TTC39B: variants seen among roughly 807,000 people sequenced by gnomAD.
TTC39B encodes tetratricopeptide repeat protein 39B.
In TTC39B, 92 loss-of-function variants were observed where a neutral mutation model predicts 96.6. That is an observed-to-expected ratio of 0.95 (90% CI 0.80 to 1.13). The LOEUF (loss-of-function observed/expected upper bound fraction) is 1.13. TTC39B is among the 50% of genes most tolerant of loss of function. The probability of loss-of-function intolerance (pLI) is 0.00; values close to 1 mark genes in which losing one functional copy is unlikely to be tolerated. For missense variants in TTC39B, 955 were observed against 809.3 expected (o/e 1.18, Z -2.18); for synonymous variants, 367 against 299.4 (o/e 1.23, Z -2.33).
At chr9:15,187,072 T>G in intron 14 of TTC39B, 37 bp from the exon 15 acceptor site, 1 of 1,480,712 alleles carries the variant, frequency 6.8e-7, no homozygotes, top group Non-Finnish European at 9.2e-7. Flanking sequence ...AGAACATCCC[T>G]AGGTAAATGA....
At chr9:15,303,660 T>C (rs1824670905) in intron 1 of TTC39B, among the ~76,000 whole-genome samples, 1 of 152,066 alleles carries the variant, frequency 6.6e-6, no homozygotes, top group African/African-American at 2.4e-5. Flanking sequence ...GAGATGGAGT[T>C]TTACTCTTGT....
In TTC39B at chr9:15,214,161, C is replaced by T. The variant is rs372085656; in HGVS notation, c.460G>A (p.Ala154Thr). Residue 154 changes from alanine to threonine, a missense_variant, in exon 4 of 20, where the codon GCC becomes ACC. By Grantham distance (58) the Ala-to-Thr change is moderately conservative (BLOSUM62 0). Coordinates refer to ENST00000512701, the Ensembl canonical transcript of TTC39B. ...TACCAGGGGCGAAGCAATTCTAAGGCGTCTGTAAATTTGTTGCTTAGAAAT... is the reference window on the plus strand; with the variant it reads ...TACCAGGGGCGAAGCAATTCTAAGGTGTCTGTAAATTTGTTGCTTAGAAAT... The T allele has an allele frequency of 2.7e-5, 44 of 1,613,464 alleles. No individual in the cohort carries two copies. The highest frequency in any genetic ancestry group is 6.7e-5 in the African/African-American group (5 of 74,864).
chr9:15,301,650 G>A (rs1824594313), intron 1 of TTC39B, among the ~76,000 whole-genome samples: 1 of 152,016 alleles, frequency 6.6e-6, no homozygotes, highest in South Asian at 2.1e-4. Flanking sequence ...CAGCTACTCG[G>A]GAGACTGAGG....
chr9:15,295,911 G>C (rs926586646), intron 1 of TTC39B, among the ~76,000 whole-genome samples: 1 of 152,094 alleles, frequency 6.6e-6, no homozygotes, highest in African/African-American at 2.4e-5. Flanking sequence ...AGTACTTTTG[G>C]GGGAGGATTT....
intron 1 of TTC39B, among the ~76,000 whole-genome samples, chr9:15,270,936 T>A (rs769065448): frequency 6.6e-6 from 1 of 152,208 alleles, no homozygotes; most frequent in African/African-American, 2.4e-5. Context: ...GTACCTATCA[T>A]GTGCCAGGCA....
chr9:15,285,209 C>T (rs1236687730), intron 1 of TTC39B, among the ~76,000 whole-genome samples: 1 of 150,670 alleles, frequency 6.6e-6, no homozygotes, highest in Non-Finnish European at 1.5e-5. Context: ...GCGGAGTTTG[C>T]AGTGAGCCGA....
At chr9:15,178,516 A>C (rs1201732398) in intron 17 of TTC39B, among the ~76,000 whole-genome samples, 1 of 152,350 alleles carries the variant, frequency 6.6e-6, no homozygotes, top group East Asian at 1.9e-4. Context: ...TGGAGGCTGC[A>C]GTGAGCTATG....
chr9:15,171,969 T>C (rs1432010093), exon 20 of TTC39B: 5 of 1,378,396 alleles, frequency 3.6e-6, no homozygotes, highest in East Asian at 2.3e-5. Flanking sequence ...GTTGAATCTA[T>C]AGCAGATGCC....
chr9:15,263,518 G>C (rs988189065), intron 2 of TTC39B, among the ~76,000 whole-genome samples: 12 of 152,150 alleles, frequency 7.9e-5, no homozygotes, highest in Non-Finnish European at 1.5e-4. Context: ...CTGTGCTTTG[G>C]AGTTTTATGG....
At chr9:15,277,557 G>A (rs1014791542) in intron 1 of TTC39B, among the ~76,000 whole-genome samples, 3 of 151,934 alleles carry the variant, frequency 2.0e-5, no homozygotes, top group Admixed American at 6.6e-5. Flanking sequence ...TGAGACCTTG[G>A]CCAACACAGT....
At chr9:15,266,310 A>C (rs1219421885) in intron 2 of TTC39B, among the ~76,000 whole-genome samples, 2 of 152,084 alleles carry the variant, frequency 1.3e-5, no homozygotes, top group African/African-American at 4.8e-5. Flanking sequence ...ATAATACTAA[A>C]ATAAAGAAAA....
Position 15,234,356 on chromosome 9 carries a change from T to TG in TTC39B, c.276-8345dup, listed in dbSNP as rs1229325265. Reference sequence around the variant, plus strand: ...CCAGCCGCCCCATCTGGCAGGGAGGTGGGGGGGTCAGCCCCCCGCCCGGCC... The same window carrying TG: ...CCAGCCGCCCCATCTGGCAGGGAGGTGGGGGGGGTCAGCCCCCCGCCCGGCC... On this transcript the variant is annotated intron_variant, in intron 2 of 19. Coordinates refer to ENST00000512701, the Ensembl canonical transcript of TTC39B. Among the ~76,000 whole-genome samples the TG allele has an allele frequency of 1.1e-4, 15 of 131,378 alleles. No homozygotes were observed. In the East Asian group the frequency reaches 1.3e-3, roughly 11 times the overall value. The allele number at this position is 131,378 out of a possible 152,430, so 86.2% of individuals were successfully genotyped here.
intron 1 of TTC39B, among the ~76,000 whole-genome samples, chr9:15,294,359 CT>C (rs1369581875): frequency 3.9e-5 from 6 of 152,120 alleles, no homozygotes; most frequent in African/African-American, 1.4e-4. Context: ...ACAAACATAC[CT>C]TTTACAGGCC....
chr9:15,207,701 A>T (rs1819944244), intron 6 of TTC39B, among the ~76,000 whole-genome samples: 1 of 152,074 alleles, frequency 6.6e-6, no homozygotes, highest in Admixed American at 6.6e-5. Flanking sequence ...ATGGAGGATT[A>T]TCAGCTGGGC....
At chr9:15,170,088 T>C (rs775296920) in exon 20 of TTC39B, 2 of 152,240 alleles carry the variant, frequency 1.3e-5, no homozygotes, top group African/African-American at 2.4e-5. Flanking sequence ...ATTTTTAATG[T>C]ATTTTCCACT....
At chr9:15,214,198 C>T (rs1564353815) in exon 4 of TTC39B, 1 of 1,614,016 alleles carries the variant, frequency 6.2e-7, no homozygotes. Context: ...AGTTCAATGC[C>T]ACAGCACATT....
intron 16 of TTC39B, chr9:15,183,220 G>A (rs565423184): frequency 9.5e-6 from 3 of 315,682 alleles, no homozygotes; most frequent in South Asian, 4.9e-5. Context: ...CAAGTAGAAT[G>A]GCAGCAAAGG....
intron 15 of TTC39B, among the ~76,000 whole-genome samples, chr9:15,186,077 A>G (rs511591): frequency 0.025 from 3,747 of 152,294 alleles, 159 homozygotes; most frequent in African/African-American, 0.085. Context: ...TCCTGGGAGC[A>G]CTTTCTTATG....
chr9:15,258,511 C>A (rs1343650915), intron 2 of TTC39B, among the ~76,000 whole-genome samples: 1 of 152,182 alleles, frequency 6.6e-6, no homozygotes, highest in Non-Finnish European at 1.5e-5. Context: ...GGACCTCTTT[C>A]CCATTACAAC....
Sources: allele counts gnomAD v4.1 joint callset (sites outside exome capture counted in the v4.1 genomes callset), GRCh38; gene constraint gnomAD v4.1.1; transcripts MANE v1.5; gene names NCBI Gene and HGNC (gene_info 2026-07-23, HGNC 2026-07-21).